Variants in APC observed in about 807,000 individuals in gnomAD.
APC encodes adenomatous polyposis coli protein.
A neutral mutation model predicts 247.0 loss-of-function variants in APC; 72 were observed. The ratio of observed to expected loss-of-function variants is 0.29; its 90% CI spans 0.24 to 0.35. The LOEUF is 0.35. Among genes scored for constraint, APC ranks in the 10% least tolerant of loss-of-function variants. The pLI is 1.00. For missense variants in APC, 3,400 were observed against 3,360.7 expected, an observed-to-expected ratio of 1.01 and a Z score of -0.29; for synonymous variants, 1,254 against 1,162.5, an observed-to-expected ratio of 1.08 and a Z score of -1.60.
intron 15 of APC, among the ~76,000 whole-genome samples, chr5:112,837,257 A>G (rs1040092609): frequency 2.0e-5 from 3 of 152,242 alleles, no homozygotes; most frequent in Admixed American, 2.0e-4. Context: ...GGAAACTGTT[A>G]TATGAATAGA....
chr5:112,783,593 G>A (rs1215914785), intron 6 of APC, among the ~76,000 whole-genome samples: 1 of 142,298 alleles, frequency 7.0e-6, no homozygotes, highest in Non-Finnish European at 1.5e-5. Flanking sequence ...AGGAGTTCGA[G>A]ACCAGCCTGA....
rs1766481071 is a variant in APC, at chr5:112,843,051, C to T, written c.7457C>T (p.Pro2486Leu). 6.2e-7 allele frequency: 1 copy of T among 1,613,846 alleles called. No individual in the cohort carries two copies. Among genetic ancestry groups the T allele is most frequent in the Non-Finnish European group, 8.5e-7 (1 of 1,179,772 alleles). ...CAGGCACAAACTCCAGTTTTAAGTC[C>T]TTCCCTTCCTGATATGTCTCTATCC... Reference protein sequence around the residue: ...RSQAQTPVLSPSLPDMSLSTH... With the variant: ...RSQAQTPVLSLSLPDMSLSTH... The change falls in exon 16 of 16, where the codon CCT (proline) becomes CTT (leucine). Residue 2486 changes from proline (P) to leucine (L), a missense_variant. By Grantham distance (98) the Pro-to-Leu change is moderately conservative. Coordinates refer to ENST00000257430, the MANE Select transcript of APC (RefSeq NM_000038.6). The surrounding 1 kb of genome is among the most constrained non-coding windows in gnomAD (Gnocchi z 4.8).
chr5:112,828,991 A>G lies in APC; in HGVS notation c.1743+19A>G, dbSNP rs1764029438. 3.9e-6 allele frequency: 6 copies of G among 1,535,718 alleles called. No individual in the cohort carries two copies. Among genetic ancestry groups the G allele is most frequent in the Non-Finnish European group, 5.4e-6 (6 of 1,109,060 alleles). ...TAAAAAGGTACCTTTGAAAACATTT[A>G]GTACTATAATATGAATTTCATGTTT... is the stretch of plus-strand genomic sequence containing the variant. On this transcript the variant is annotated intron_variant, in intron 14 of 15. Transcript: ENST00000257430.
intron 1 of APC, among the ~76,000 whole-genome samples, chr5:112,748,628 G>C (rs1477705419): frequency 1.3e-5 from 2 of 152,024 alleles, no homozygotes; most frequent in African/African-American, 2.4e-5. Flanking sequence ...TTGGGAGGTG[G>C]AGGCGGGCGG....
At position 112,707,907 on chromosome 5, in the gene APC, G is replaced by A. The variant is rs869312472; in HGVS notation, c.165+25G>A. ...GGTGAGTGAGGCTGCAGGCATTGAC[G>A]TCTCCTCCCGGCAAAGCTTCCTCGG... On this transcript the variant is annotated intron_variant, in intron 1 of 13. Transcript: ENST00000507379. The A allele has an allele frequency of 1.6e-5, 22 of 1,350,396 alleles. No homozygotes were observed. The highest frequency in any genetic ancestry group is 2.6e-4 in the Middle Eastern group (1 of 3,914). The allele number at this position is 1,350,396 out of a possible 1,614,324, so 83.7% of individuals were successfully genotyped here.
chr5:112,741,974 A>T (rs1049045746), intron 1 of APC, among the ~76,000 whole-genome samples: 1 of 152,206 alleles, frequency 6.6e-6, no homozygotes, highest in Non-Finnish European at 1.5e-5. Context: ...TTTTAGGTCT[A>T]AATGATGTTC....
chr5:112,755,267 A>C (rs1422744947), intron 2 of APC, among the ~76,000 whole-genome samples: 1 of 152,234 alleles, frequency 6.6e-6, no homozygotes, highest in African/African-American at 2.4e-5. Flanking sequence ...GTTCTTTTTA[A>C]GATTAAAGAG....
In APC at chr5:112,841,750, G is replaced by C. The variant is rs1580668268; in HGVS notation, c.6156G>C (p.Lys2052Asn). Residue 2052 changes from lysine to asparagine, a missense_variant, in exon 16 of 16, where the codon AAG becomes AAC. Physicochemically the swap from Lys to Asn is moderately conservative, Grantham distance 94 (BLOSUM62 0). Around this residue, in one of 9 missense-constraint regions of APC, gnomAD observed 1,788 missense variants for 1,649.5 expected, o/e 1.08. Transcript: ENST00000257430. This position sits in a 1 kb window ranked among gnomAD's most constrained non-coding sequence, Gnocchi z 4.6. ...GCTCCGCAATGCCAAAAAAGAAAAA[G>C]CCTTCAAGACTCAAGGGTGATAATG... is the stretch of plus-strand genomic sequence containing the variant. ...CISSAMPKKK[K>N]PSRLKGDNEK... The C allele has an allele frequency of 6.2e-7, 1 of 1,613,980 alleles. No homozygotes were observed. The highest frequency in any genetic ancestry group is 8.5e-7 in the Non-Finnish European group (1 of 1,179,894).
At chr5:112,778,329 G>C (rs977939753) in intron 5 of APC, 1 of 152,142 alleles carries the variant, frequency 6.6e-6, no homozygotes, top group East Asian at 1.9e-4. Flanking sequence ...TCATGGGATG[G>C]CACATATAAG....
chr5:112,766,102 C>T (rs1032505079), intron 2 of APC, among the ~76,000 whole-genome samples: 1 of 151,918 alleles, frequency 6.6e-6, no homozygotes, highest in Non-Finnish European at 1.5e-5. Flanking sequence ...GTTTCTAATA[C>T]CTTGCACAGA....
At position 112,838,777 on chromosome 5, in the gene APC, A is replaced by G. The variant is rs1580632127; in HGVS notation, c.3183A>G (p.Lys1061=). ...RPKHIIEDEI[K]QSEQRQSRNQ... ...AACACATAATAGAAGATGAAATAAAACAAAGTGAGCAAAGACAATCAAGGA... is the reference window on the plus strand; with the variant it reads ...AACACATAATAGAAGATGAAATAAAGCAAAGTGAGCAAAGACAATCAAGGA... The change falls in exon 16 of 16, where the codon AAA becomes AAG. Residue 1061 remains lysine, a synonymous_variant. Coordinates refer to ENST00000257430, the MANE Select transcript of APC (RefSeq NM_000038.6). 2.5e-6 allele frequency: 4 copies of G among 1,614,036 alleles called. No individual in the cohort carries two copies. The African/African-American group carries it at 4.0e-5, about 16-fold the overall frequency.
At chr5:112,796,817 C>T (rs1227274744) in intron 7 of APC, among the ~76,000 whole-genome samples, 2 of 151,902 alleles carry the variant, frequency 1.3e-5, no homozygotes, top group African/African-American at 2.4e-5. Flanking sequence ...GCTTTAGTTA[C>T]AGTTAGTTCT....
intron 6 of APC, among the ~76,000 whole-genome samples, chr5:112,791,660 T>C (rs904588518): frequency 6.6e-6 from 1 of 152,158 alleles, no homozygotes; most frequent in African/African-American, 2.4e-5. Flanking sequence ...GCCAAAAAGG[T>C]TGGGGACCCT....
intron 5 of APC, 47 bp from the exon 6 acceptor site, chr5:112,780,743 A>T (rs2149638553): frequency 7.4e-7 from 1 of 1,351,602 alleles, no homozygotes; most frequent in Non-Finnish European, 1.0e-6. Flanking sequence ...TTTACTGATT[A>T]ACGTAAATAC....
At position 112,842,569 on chromosome 5, in the gene APC, C is replaced by T. The variant is rs2149977432; in HGVS notation, c.6975C>T (p.Gly2325=). 1.9e-6 allele frequency: 3 copies of T among 1,613,750 alleles called. No homozygotes were observed. Among genetic ancestry groups the T allele is most frequent in the South Asian group, 2.2e-5 (2 of 91,074 alleles). ...TAAGTAGACCTATACAGTCTCCTGG[C>T]CGAAACTCAATTTCCCCTGGTAGAA... ...QPLSRPIQSP[G]RNSISPGRNG... is the part of the protein sequence containing the mutation. Residue 2325 remains glycine, a synonymous_variant, in exon 16 of 16, where the codon GGC becomes GGT. Transcript: ENST00000257430.
Position 112,843,348 on chromosome 5 carries a change from A to G in APC, c.7754A>G (p.Lys2585Arg), listed in dbSNP as rs876658884. ...TCATCAGAATCCAGTGAAAAAGCAA[A>G]AAGTGAGGATGAAAAACATGTGAAC... ...SASSESSEKA[K>R]SEDEKHVNSI... Residue 2585 changes from lysine (K) to arginine (R), a missense_variant, in exon 16 of 16, where the codon AAA becomes AGA. Coordinates refer to ENST00000257430, the MANE Select transcript of APC (RefSeq NM_000038.6). This position sits in a 1 kb window ranked among gnomAD's most constrained non-coding sequence, Gnocchi z 4.8. 1 of 1,613,982 alleles carries G rather than the reference A, an allele frequency of 6.2e-7. No individual in the cohort carries two copies. The highest frequency in any genetic ancestry group is 1.1e-5 in the South Asian group (1 of 91,070).
In APC at chr5:112,842,102, C is replaced by T. The variant is rs1229142303; in HGVS notation, c.6508C>T (p.Pro2170Ser). Residue 2170 changes from proline (P) to serine (S), a missense_variant, in exon 16 of 16, where the codon CCA becomes TCA. By Grantham distance (74) the Pro-to-Ser change is moderately conservative. Around this residue, in one of 9 missense-constraint regions of APC, gnomAD observed 1,788 missense variants for 1,649.5 expected, o/e 1.08. Transcript: ENST00000257430. ...TSNKGPRILK[P>S]GEKSTLETKK... ...TAATAAAGGCCCACGAATTCTAAAACCAGGGGAGAAAAGTACATTGGAAAC... is the reference window on the plus strand; with the variant it reads ...TAATAAAGGCCCACGAATTCTAAAATCAGGGGAGAAAAGTACATTGGAAAC... The T allele has an allele frequency of 1.9e-6, 3 of 1,610,742 alleles. No individual in the cohort carries two copies. Among genetic ancestry groups the T allele is most frequent in the Non-Finnish European group, 2.5e-6 (3 of 1,177,702 alleles).
rs182893708 is a variant in APC, at chr5:112,792,245, C to T, written c.646-201C>T. Among the ~76,000 whole-genome samples, 250 of 147,810 alleles carry T rather than the reference C, an allele frequency of 1.7e-3. 5 individuals carry two copies. In the East Asian group the frequency reaches 0.045, roughly 27 times the overall value. ...AGGGCAACAGAGCGAGACTCTGTCT[C>T]GAAAAAAAAAGAAAAAAAGAAAAGA... is the stretch of plus-strand genomic sequence containing the variant. On this transcript the variant is annotated intron_variant, in intron 6 of 15. Transcript: ENST00000257430.
At position 112,840,165 on chromosome 5, in the gene APC, T is replaced by G. The variant is rs200803739; in HGVS notation, c.4571T>G (p.Ile1524Arg). The part of the protein sequence containing the change: ...PFIQKDVELR[I>R]MPPVQENDNG... ...ATACAGAAAGATGTGGAATTAAGAATAATGCCTCCAGTTCAGGAAAATGAC... is the reference window on the plus strand; with the variant it reads ...ATACAGAAAGATGTGGAATTAAGAAGAATGCCTCCAGTTCAGGAAAATGAC... The change falls in exon 16 of 16, where the codon ATA (isoleucine) becomes AGA (arginine). Residue 1524 changes from isoleucine (I) to arginine (R), a missense_variant. Around this residue, in one of 9 missense-constraint regions of APC, gnomAD observed 1,788 missense variants for 1,649.5 expected, o/e 1.08. Coordinates refer to ENST00000257430, the MANE Select transcript of APC (RefSeq NM_000038.6). This position sits in a 1 kb window ranked among gnomAD's most constrained non-coding sequence, Gnocchi z 4.1. 9 of 1,614,086 alleles carry G rather than the reference T, an allele frequency of 5.6e-6. No homozygotes were observed. Among genetic ancestry groups the G allele is most frequent in the South Asian group, 5.5e-5 (5 of 91,080 alleles).
Sources: gnomAD v4.1 joint callset for allele counts (sites outside exome capture counted in the v4.1 genomes callset) on GRCh38, gnomAD v4.1.1 for gene constraint, gnomAD v4.1.1 regional missense constraint, Gnocchi (gnomAD v3.1) non-coding constraint, MANE v1.5 for transcripts, NCBI Gene and HGNC (gene_info 2026-07-23, HGNC 2026-07-21) for gene names.